DNAH3: variants seen among roughly 807,000 people sequenced by gnomAD.
DNAH3 encodes dynein axonemal heavy chain 3.
In DNAH3, 332 loss-of-function variants were observed where a neutral mutation model predicts 432.5. The ratio of observed to expected loss-of-function variants is 0.77; its 90% CI spans 0.70 to 0.84. The LOEUF (loss-of-function observed/expected upper bound fraction) is 0.84. Ranked by LOEUF, DNAH3 falls within the 40% of genes least tolerant of loss-of-function variation. The pLI is 0.00. For missense variants in DNAH3, 4,861 were observed against 5,114.0 expected (o/e 0.95, Z 1.51); for synonymous variants, 1,956 against 1,900.2 (o/e 1.03, Z -0.76).
Position 21,081,827 on chromosome 16 carries a change from C to T in DNAH3, c.2878-100G>A, listed in dbSNP as rs541816017. On this transcript the variant is annotated intron_variant, in intron 19 of 61. Coordinates refer to ENST00000261383, the Ensembl canonical transcript of DNAH3. Reference sequence around the variant, plus strand: ...AGATGTTCTTTTTATCTGCACTGCTCAGCATAACAGCCACGAGTGGCAGGT... The same window carrying T: ...AGATGTTCTTTTTATCTGCACTGCTTAGCATAACAGCCACGAGTGGCAGGT... The T allele has an allele frequency of 8.3e-5, 71 of 853,730 alleles. No individual in the cohort carries two copies. The African/African-American group carries it at 1.2e-3, about 14-fold the overall frequency. 52.9% of individuals were successfully genotyped at this position (853,730 alleles called of 1,614,324 possible). A position where few individuals can be genotyped will look rare whatever the true frequency, so the allele number is the denominator to read the frequency against.
intron 49 of DNAH3, among the ~76,000 whole-genome samples, chr16:20,981,997 TAA>T (rs2085925368): frequency 7.8e-5 from 8 of 103,008 alleles, no homozygotes; most frequent in African/African-American, 3.0e-4. Flanking sequence ...AGCACATATA[TAA>T]TATATAATAT....
intron 6 of DNAH3, among the ~76,000 whole-genome samples, 189 bp downstream of exon 7, chr16:21,136,135 C>A (rs1015404168): frequency 1.3e-5 from 2 of 151,992 alleles, no homozygotes; most frequent in Non-Finnish European, 2.9e-5. Flanking sequence ...CCTTCCAGGC[C>A]AGGCATGGTG....
chr16:20,982,447 G>T (rs534601283), intron 49 of DNAH3, among the ~76,000 whole-genome samples: 2 of 152,134 alleles, frequency 1.3e-5, no homozygotes, highest in Non-Finnish European at 2.9e-5. Flanking sequence ...TTCCTGTTGA[G>T]AATGCATATT....
At chr16:21,001,596 G>A (rs2087021754) in intron 42 of DNAH3, among the ~76,000 whole-genome samples, 2 of 152,132 alleles carry the variant, frequency 1.3e-5, no homozygotes, top group South Asian at 4.1e-4. Flanking sequence ...ATGAGACAAG[G>A]GAATTAAAGT....
chr16:21,108,934 C>T (rs1347956426), intron 14 of DNAH3, among the ~76,000 whole-genome samples: 1 of 151,704 alleles, frequency 6.6e-6, no homozygotes, highest in African/African-American at 2.4e-5. Flanking sequence ...CTAGGCTGAC[C>T]AGCATGGTGA....
chr16:21,041,887 G>A, intron 32 of DNAH3, 140 bp downstream of exon 32: 1 of 904,238 alleles, frequency 1.1e-6, no homozygotes, highest in Non-Finnish European at 1.8e-6. Context: ...TGGACAGGCT[G>A]ATCTCGAGCT....
chr16:21,013,085 A>C (rs549965316), intron 41 of DNAH3, among the ~76,000 whole-genome samples: 1 of 152,294 alleles, frequency 6.6e-6, no homozygotes, highest in East Asian at 1.9e-4. Flanking sequence ...ATCTAAAATC[A>C]ATAATCTAAG....
chr16:21,017,060 A>C (rs2087895466), intron 41 of DNAH3, among the ~76,000 whole-genome samples: 1 of 152,162 alleles, frequency 6.6e-6, no homozygotes, highest in African/African-American at 2.4e-5. Flanking sequence ...GGAATGTGAA[A>C]AACGTCCTGG....
At chr16:20,935,664 A>G (rs986939906) in intron 60 of DNAH3, among the ~76,000 whole-genome samples, 179 bp from the exon 61 acceptor site, 23 of 152,042 alleles carry the variant, frequency 1.5e-4, no homozygotes, top group African/African-American at 5.3e-4. Context: ...ATATATTTAC[A>G]CTTTAAGAAA....
intron 41 of DNAH3, among the ~76,000 whole-genome samples, chr16:21,018,894 C>CAA (rs78615877): frequency 1.6e-4 from 24 of 148,112 alleles, no homozygotes; most frequent in East Asian, 7.9e-4. Context: ...CACTCTATCT[C>CAA]AAAAAAAAAA....
intron 28 of DNAH3, among the ~76,000 whole-genome samples, chr16:21,052,560 T>C (rs930852642): frequency 6.6e-6 from 1 of 152,314 alleles, no homozygotes; most frequent in East Asian, 1.9e-4. Context: ...ATCTGTAAAA[T>C]AGGGATAACA....
At chr16:20,981,083 A>G (rs1470163146) in intron 49 of DNAH3, among the ~76,000 whole-genome samples, 1 of 152,234 alleles carries the variant, frequency 6.6e-6, no homozygotes, top group Non-Finnish European at 1.5e-5. Flanking sequence ...AGGTCTAAAA[A>G]GCACCATCAA....
At chr16:21,001,981 T>A (rs535527489) in intron 42 of DNAH3, among the ~76,000 whole-genome samples, 16 of 152,324 alleles carry the variant, frequency 1.1e-4, no homozygotes, top group African/African-American at 3.6e-4. Flanking sequence ...CTCAAGTGAC[T>A]AAGCTCTTTT....
intron 50 of DNAH3, among the ~76,000 whole-genome samples, chr16:20,978,997 C>A (rs527352288): frequency 1.3e-5 from 2 of 151,974 alleles, no homozygotes; most frequent in South Asian, 4.2e-4. Flanking sequence ...CTGCCCAGGT[C>A]CCCATAAGGT....
intron 1 of DNAH3, among the ~76,000 whole-genome samples, chr16:21,155,509 C>T (rs1311048366): frequency 2.0e-5 from 3 of 150,432 alleles, no homozygotes; most frequent in Non-Finnish European, 4.4e-5. Flanking sequence ...GTAATCCCAG[C>T]TACTCCGGAG....
chr16:21,087,140 G>T, intron 18 of DNAH3, 80 bp from the exon 19 acceptor site: 2 of 1,203,402 alleles, frequency 1.7e-6, no homozygotes, highest in Non-Finnish European at 1.2e-6. Flanking sequence ...TGAACTTAGA[G>T]CTGTGCCTCC....
chr16:21,111,755 A>G, exon 14 of DNAH3: 1 of 1,613,974 alleles, frequency 6.2e-7, no homozygotes, highest in Non-Finnish European at 8.5e-7. Flanking sequence ...AGGCACGGTG[A>G]TGTTCATGGA....
At chr16:20,975,896 C>G (rs1182964738) in intron 50 of DNAH3, among the ~76,000 whole-genome samples, 1 of 152,092 alleles carries the variant, frequency 6.6e-6, no homozygotes, top group South Asian at 2.1e-4. Flanking sequence ...AGTCACACAC[C>G]ACCACGCCTG....
intron 44 of DNAH3, among the ~76,000 whole-genome samples, chr16:20,991,827 A>G (rs2086572092): frequency 6.6e-6 from 1 of 152,134 alleles, no homozygotes; most frequent in Non-Finnish European, 1.5e-5. Context: ...GTGTTCTTTC[A>G]TTGGAAAGTA....
Sources: gnomAD v4.1 joint callset for allele counts (sites outside exome capture counted in the v4.1 genomes callset) on GRCh38, gnomAD v4.1.1 for gene constraint, MANE v1.5 for transcripts, NCBI Gene and HGNC (gene_info 2026-07-23, HGNC 2026-07-21) for gene names.